The following ESRRG variants were observed in gnomAD, a reference collection of about 807,000 sequenced individuals.
The protein encoded by ESRRG is estrogen-related receptor gamma.
In ESRRG, 13 loss-of-function variants were observed where a neutral mutation model predicts 44.0. The observed-to-expected ratio is 0.30, with a 90% CI of 0.19 to 0.47. The LOEUF (loss-of-function observed/expected upper bound fraction) is 0.47. ESRRG is among the 20% of genes least tolerant of loss of function. The pLI is 1.00. For missense variants in ESRRG, 395 were observed against 580.6 expected, an observed-to-expected ratio of 0.68 and a Z score of 3.29; for synonymous variants, 215 against 214.6, an observed-to-expected ratio of 1.00 and a Z score of -0.02.
In ESRRG at chr1:216,821,922, C is replaced by T. The variant is rs369995842; in HGVS notation, c.-14+117660G>A. 3.5e-4 allele frequency among the ~76,000 whole-genome samples: 53 copies of T among 151,892 alleles called. No individual in the cohort carries two copies. In the East Asian group the frequency reaches 6.8e-3, roughly 19 times the overall value. ...AAGCTGGGCTTTAAAACTGGCTCTA[C>T]GTGGGTTCAAAGCTTGGGATGCTGA... is the stretch of plus-strand genomic sequence containing the variant. On this transcript the variant is annotated intron_variant, in intron 2 of 7. Transcript: ENST00000359162.
chr1:216,883,882 G>T (rs2096484071), intron 2 of ESRRG, among the ~76,000 whole-genome samples: 2 of 152,112 alleles, frequency 1.3e-5, no homozygotes, highest in South Asian at 4.1e-4. Context: ...AATATAACTT[G>T]ATCTGAATTG....
intron 2 of ESRRG, among the ~76,000 whole-genome samples, chr1:216,791,420 C>T (rs1269590063): frequency 6.6e-6 from 1 of 152,092 alleles, no homozygotes; most frequent in African/African-American, 2.4e-5. Context: ...CCTAGACAGC[C>T]TGCAGAAACA....
intron 3 of ESRRG, among the ~76,000 whole-genome samples, chr1:216,621,203 C>T (rs1004789181): frequency 2.0e-5 from 3 of 152,160 alleles, no homozygotes; most frequent in African/African-American, 4.8e-5. Context: ...CCTACCCTAT[C>T]GAAATGGGCA....
intron 1 of ESRRG, among the ~76,000 whole-genome samples, chr1:216,969,259 A>C (rs1296883290): frequency 6.6e-6 from 1 of 152,188 alleles, no homozygotes; most frequent in East Asian, 1.9e-4. Context: ...GTAAACATAG[A>C]AAATCTGATA....
chr1:217,086,829 GA>G (rs1298683183), intron 1 of ESRRG, among the ~76,000 whole-genome samples: 6 of 152,056 alleles, frequency 3.9e-5, no homozygotes, highest in Non-Finnish European at 8.8e-5. Flanking sequence ...GTGTCTAATT[GA>G]AACCAATTTC....
intron 2 of ESRRG, among the ~76,000 whole-genome samples, chr1:216,866,271 C>T (rs1003386647): frequency 2.0e-5 from 3 of 152,110 alleles, no homozygotes; most frequent in Non-Finnish European, 2.9e-5. Flanking sequence ...TAGTAAGTGA[C>T]CACAGTTGAA....
At chr1:216,545,631 T>C (rs1259693901) in intron 5 of ESRRG, among the ~76,000 whole-genome samples, 4 of 152,056 alleles carry the variant, frequency 2.6e-5, no homozygotes, top group Non-Finnish European at 1.5e-5. Context: ...TAAGAAATTG[T>C]TTGATGAATA....
chr1:216,892,576 T>C (rs1333452765), intron 2 of ESRRG, among the ~76,000 whole-genome samples: 1 of 152,164 alleles, frequency 6.6e-6, no homozygotes, highest in Non-Finnish European at 1.5e-5. Flanking sequence ...AAAGTGGATG[T>C]TGGGGGTTTG....
chr1:216,613,882 T>C (rs2061020525), intron 3 of ESRRG, among the ~76,000 whole-genome samples: 1 of 152,244 alleles, frequency 6.6e-6, no homozygotes, highest in African/African-American at 2.4e-5. Context: ...GCTTTTATCT[T>C]ATTGTTAACC....
At position 216,815,348 on chromosome 1, in the gene ESRRG, G is replaced by A. The variant is rs188790082; in HGVS notation, c.-14+124234C>T. Reference sequence around the variant, plus strand: ...AAAGTTTACAAATAAGGTAACTGAGGTACAGAGACATTAAGTAAATGGCCA... The same window carrying A: ...AAAGTTTACAAATAAGGTAACTGAGATACAGAGACATTAAGTAAATGGCCA... On this transcript the variant is annotated intron_variant, in intron 2 of 7. Coordinates refer to the ESRRG transcript ENST00000359162. 3.2e-3 allele frequency among the ~76,000 whole-genome samples: 488 copies of A among 152,280 alleles called. 5 individuals are homozygous for A. The highest frequency in any genetic ancestry group is 0.011 in the African/African-American group (476 of 41,570).
In ESRRG at chr1:216,776,322, T is replaced by C. The variant is rs189688938; in HGVS notation, c.-13-98831A>G. Among the ~76,000 whole-genome samples, 176 of 152,158 alleles carry C rather than the reference T, an allele frequency of 1.2e-3. 1 individual carries two copies. Among genetic ancestry groups the C allele is most frequent in the African/African-American group, 3.4e-3 (142 of 41,532 alleles). On this transcript the variant is annotated intron_variant, in intron 2 of 7. Coordinates refer to the ESRRG transcript ENST00000359162. ...TCCCCACTCTACTCCCAACACACATTTTCCCTGACTTAACCTAGTGTCCTT... is the reference window on the plus strand; with the variant it reads ...TCCCCACTCTACTCCCAACACACATCTTCCCTGACTTAACCTAGTGTCCTT...
chr1:216,895,699 C>T (rs1217331267), intron 2 of ESRRG, among the ~76,000 whole-genome samples: 3 of 151,996 alleles, frequency 2.0e-5, no homozygotes, highest in African/African-American at 4.8e-5. Context: ...AGCTATAGTC[C>T]GACTGACCTG....
chr1:216,541,544 A>C (rs909843750), intron 5 of ESRRG, among the ~76,000 whole-genome samples: 1 of 146,022 alleles, frequency 6.8e-6, no homozygotes, highest in Non-Finnish European at 1.5e-5. Context: ...TCGCTCAGCT[A>C]TTTGAGTCTT....
At chr1:216,796,438 A>T (rs76596960) in intron 2 of ESRRG, among the ~76,000 whole-genome samples, 334 of 152,284 alleles carry the variant, frequency 2.2e-3, no homozygotes, top group African/African-American at 7.6e-3. Context: ...GCTCCCTAGA[A>T]GATCACCCTG....
intron 1 of ESRRG, among the ~76,000 whole-genome samples, chr1:217,002,205 G>A (rs1433084051): frequency 1.3e-5 from 2 of 151,088 alleles, no homozygotes; most frequent in African/African-American, 2.4e-5. Flanking sequence ...TGGTGGCTGA[G>A]CCACGAGAAT....
chr1:216,745,869 CT>C lies in ESRRG; in HGVS notation c.-13-68379del, dbSNP rs375120341. ...AGAAGGCAATTATCTATGTATCAAA[CT>C]CATTCTGTAAATTGTAAAAAAGTAT... On this transcript the variant is annotated intron_variant, in intron 2 of 7. Transcript: ENST00000359162. 6.2e-4 allele frequency among the ~76,000 whole-genome samples: 94 copies of C among 152,284 alleles called. No homozygotes were observed. The East Asian group carries it at 0.01, about 16-fold the overall frequency.
chr1:217,031,673 C>T (rs2082080044), intron 1 of ESRRG, among the ~76,000 whole-genome samples: 1 of 152,150 alleles, frequency 6.6e-6, no homozygotes, highest in Non-Finnish European at 1.5e-5. Flanking sequence ...CTCATAATCC[C>T]CACATGTGGT....
intron 2 of ESRRG, among the ~76,000 whole-genome samples, chr1:216,801,768 C>A (rs1403552239): frequency 6.6e-6 from 1 of 152,066 alleles, no homozygotes; most frequent in Non-Finnish European, 1.5e-5. Flanking sequence ...AGGTCCTTTA[C>A]CCATTCTTTT....
At chr1:216,623,675 C>A (rs186364101) in intron 3 of ESRRG, among the ~76,000 whole-genome samples, 2 of 152,190 alleles carry the variant, frequency 1.3e-5, no homozygotes, top group African/African-American at 2.4e-5. Flanking sequence ...TGAAAACTTA[C>A]CCAATGTCAC....
Sources: allele counts gnomAD v4.1 joint callset (sites outside exome capture counted in the v4.1 genomes callset), GRCh38; gene constraint gnomAD v4.1.1; transcripts MANE v1.5; gene names NCBI Gene and HGNC (gene_info 2026-07-23, HGNC 2026-07-21).